CSMD1: variants seen among roughly 807,000 people sequenced by gnomAD.
CSMD1 encodes the protein CUB and sushi domain-containing protein 1.
Under a neutral mutation model 417.5 loss-of-function variants are expected in CSMD1, and 213 were observed. The observed-to-expected ratio is 0.51, with a 90% CI of 0.46 to 0.57. CSMD1 has a LOEUF of 0.57. Among genes scored for constraint, CSMD1 ranks in the 20% least tolerant of loss-of-function variants. The pLI is 0.00. For missense variants in CSMD1, 6,923 were observed against 4,529.7 expected (o/e 1.53, Z -15.17); for synonymous variants, 2,862 against 1,736.8 (o/e 1.65, Z -16.11).
chr8:4,323,758 C>G (rs56016527), intron 3 of CSMD1, among the ~76,000 whole-genome samples: 1 of 152,078 alleles, frequency 6.6e-6, no homozygotes, highest in Non-Finnish European at 1.5e-5. Context: ...AAATATCCCC[C>G]CCTTCCCCTG....
At chr8:3,675,711 C>A (rs1270587647) in intron 7 of CSMD1, among the ~76,000 whole-genome samples, 1 of 152,018 alleles carries the variant, frequency 6.6e-6, no homozygotes, top group Non-Finnish European at 1.5e-5. Context: ...TTGCAAGACT[C>A]TGAATCTATA....
intron 6 of CSMD1, among the ~76,000 whole-genome samples, chr8:3,713,582 G>A (rs1184640970): frequency 6.6e-6 from 1 of 152,040 alleles, no homozygotes. Flanking sequence ...AGGAAACCAA[G>A]TCGTATCTTC....
intron 2 of CSMD1, among the ~76,000 whole-genome samples, chr8:4,572,967 C>CA (rs1485434903): frequency 6.6e-6 from 1 of 152,162 alleles, no homozygotes; most frequent in African/African-American, 2.4e-5. Flanking sequence ...TCAGCTCCAT[C>CA]AGGTCATTTA....
intron 1 of CSMD1, among the ~76,000 whole-genome samples, chr8:4,840,966 G>A (rs897966770): frequency 7.2e-5 from 11 of 152,182 alleles, no homozygotes; most frequent in African/African-American, 2.2e-4. Context: ...CAAGTGCACT[G>A]GGCTAGTCCG....
intron 39 of CSMD1, among the ~76,000 whole-genome samples, chr8:3,153,030 C>T (rs1474108769): frequency 3.3e-5 from 5 of 152,136 alleles, no homozygotes; most frequent in Admixed American, 3.3e-4. Flanking sequence ...GGCTGCATTC[C>T]CAGATGGTGA....
At chr8:4,831,541 A>G (rs1410977241) in intron 1 of CSMD1, among the ~76,000 whole-genome samples, 1 of 152,240 alleles carries the variant, frequency 6.6e-6, no homozygotes, top group East Asian at 1.9e-4. Context: ...ATCAGAAGAT[A>G]ATGTGTCTCC....
At chr8:3,613,270 A>C (rs1186308454) in intron 8 of CSMD1, 2 of 421,926 alleles carry the variant, frequency 4.7e-6, no homozygotes, top group African/African-American at 4.2e-5. Context: ...ATCCGTAATT[A>C]AAAACCTACT....
At chr8:4,590,302 T>G (rs1217211545) in intron 2 of CSMD1, among the ~76,000 whole-genome samples, 1 of 152,132 alleles carries the variant, frequency 6.6e-6, no homozygotes, top group South Asian at 2.1e-4. Context: ...GAAGCAGACA[T>G]GGACTACTGG....
At chr8:3,487,417 G>A (rs57530548) in intron 11 of CSMD1, among the ~76,000 whole-genome samples, 20,747 of 152,054 alleles carry the variant, frequency 0.14, 1,525 homozygotes, top group East Asian at 0.21. Context: ...TAGCCAGGAT[G>A]GTCTCGTTCT....
At chr8:3,383,171 G>C (rs1357024124) in intron 18 of CSMD1, among the ~76,000 whole-genome samples, 2 of 152,132 alleles carry the variant, frequency 1.3e-5, no homozygotes, top group African/African-American at 4.8e-5. Flanking sequence ...TTACTTTTAG[G>C]GGTGATTAAC....
At chr8:3,589,488 A>T (rs1246319784) in intron 8 of CSMD1, among the ~76,000 whole-genome samples, 3 of 152,082 alleles carry the variant, frequency 2.0e-5, no homozygotes, top group South Asian at 2.1e-4. Context: ...AACACAGTTG[A>T]TCCTGGGGGA....
chr8:4,334,547 G>T (rs1255859230), intron 3 of CSMD1, among the ~76,000 whole-genome samples: 1 of 152,110 alleles, frequency 6.6e-6, no homozygotes, highest in Non-Finnish European at 1.5e-5. Flanking sequence ...AAACTCTCCA[G>T]ATAGTATGAA....
chr8:3,261,270 A>C (rs1206610447), intron 26 of CSMD1, among the ~76,000 whole-genome samples: 22 of 152,258 alleles, frequency 1.4e-4, no homozygotes, highest in Admixed American at 1.4e-3. Context: ...GCTGGTGAGA[A>C]TGTAAAATGG....
intron 12 of CSMD1, among the ~76,000 whole-genome samples, chr8:3,461,243 C>A (rs17066195): frequency 6.6e-6 from 1 of 152,206 alleles, no homozygotes; most frequent in Non-Finnish European, 1.5e-5. Flanking sequence ...CTACTGACCC[C>A]GAGACCTGGC....
chr8:4,827,177 G>A (rs1778967546), intron 1 of CSMD1, among the ~76,000 whole-genome samples: 1 of 152,098 alleles, frequency 6.6e-6, no homozygotes, highest in African/African-American at 2.4e-5. Context: ...AGTTTTCGTT[G>A]CCATGCAATA....
chr8:4,661,092 T>A (rs1468830526), intron 1 of CSMD1, among the ~76,000 whole-genome samples: 1 of 152,180 alleles, frequency 6.6e-6, no homozygotes, highest in Non-Finnish European at 1.5e-5. Context: ...GCAACTATCA[T>A]ACAACCTACC....
chr8:4,407,067 C>G (rs1805076636), intron 3 of CSMD1, among the ~76,000 whole-genome samples: 1 of 152,146 alleles, frequency 6.6e-6, no homozygotes, highest in Admixed American at 6.5e-5. Flanking sequence ...GCCAAGGTCA[C>G]TCAAGTATTG....
At chr8:3,158,073 A>G in intron 38 of CSMD1, 107 bp from the exon 39 acceptor site, 1 of 927,708 alleles carries the variant, frequency 1.1e-6, no homozygotes, top group Non-Finnish European at 1.6e-6. Context: ...TTAATTATAA[A>G]TATTTGAAAA....
intron 1 of CSMD1, among the ~76,000 whole-genome samples, chr8:4,952,313 C>A (rs9285040): frequency 0.8 from 121,531 of 151,790 alleles, 48,942 homozygotes; most frequent in Admixed American, 0.87. Context: ...AATTAGCCAA[C>A]GCTTTTTGGG....
Sources: allele counts gnomAD v4.1 joint callset (sites outside exome capture counted in the v4.1 genomes callset), GRCh38; gene constraint gnomAD v4.1.1; transcripts MANE v1.5; gene names NCBI Gene and HGNC (gene_info 2026-07-23, HGNC 2026-07-21).